KLHL1: variants seen among roughly 807,000 people sequenced by gnomAD.
The protein encoded by KLHL1 is kelch like family member 1, also known as kelch-like protein 1.
Under a neutral mutation model 77.7 loss-of-function variants are expected in KLHL1, and 47 were observed. The observed-to-expected ratio is 0.60, with a 90% CI of 0.48 to 0.77. KLHL1 has a LOEUF of 0.77. KLHL1 is among the 30% of genes least tolerant of loss of function. The pLI, the probability that KLHL1 is intolerant of heterozygous loss-of-function variation, is 0.00. For missense variants in KLHL1, 925 were observed against 910.8 expected (o/e 1.02, Z -0.20); for synonymous variants, 360 against 325.2 (o/e 1.11, Z -1.15).
At chr13:69,828,648 T>C (rs561168568) in intron 6 of KLHL1, among the ~76,000 whole-genome samples, 1 of 150,184 alleles carries the variant, frequency 6.7e-6, no homozygotes, top group African/African-American at 2.5e-5. Flanking sequence ...CAGGGAGGTT[T>C]GCAGCCTGGG....
At chr13:70,070,564 T>C (rs569262866) in intron 1 of KLHL1, among the ~76,000 whole-genome samples, 3 of 151,956 alleles carry the variant, frequency 2.0e-5, no homozygotes, top group Non-Finnish European at 4.4e-5. Flanking sequence ...TAAACAAAAA[T>C]ACAAAGAATT....
chr13:69,775,924 G>T (rs150425785), intron 7 of KLHL1, among the ~76,000 whole-genome samples: 1 of 151,894 alleles, frequency 6.6e-6, no homozygotes, highest in Admixed American at 6.6e-5. Flanking sequence ...AGGCCGAGGC[G>T]GGAGGATCAC....
chr13:69,766,001 A>C (rs556863928), intron 7 of KLHL1, among the ~76,000 whole-genome samples: 139 of 152,286 alleles, frequency 9.1e-4, no homozygotes, highest in African/African-American at 2.7e-3. Flanking sequence ...AAGAACATTA[A>C]ACTTCTTTGC....
chr13:69,914,183 T>C (rs1882339002), intron 4 of KLHL1, among the ~76,000 whole-genome samples: 1 of 152,134 alleles, frequency 6.6e-6, no homozygotes, highest in Non-Finnish European at 1.5e-5. Flanking sequence ...GAGTCAACAG[T>C]GCTTAATAAA....
chr13:70,001,302 T>TA (rs1405429462), intron 1 of KLHL1, among the ~76,000 whole-genome samples: 2 of 151,080 alleles, frequency 1.3e-5, no homozygotes, highest in East Asian at 3.9e-4. Flanking sequence ...TTATTTGACT[T>TA]ACGAATTCTG....
intron 8 of KLHL1, 95 bp from the exon 9 acceptor site, chr13:69,719,676 C>G: frequency 1.2e-6 from 1 of 857,348 alleles, no homozygotes; most frequent in Non-Finnish European, 1.8e-6. Flanking sequence ...CAGTATGAGG[C>G]TCAAACGTGT....
chr13:69,939,363 A>ATG (rs1883288672), intron 4 of KLHL1, among the ~76,000 whole-genome samples: 4 of 96,294 alleles, frequency 4.2e-5, no homozygotes, highest in African/African-American at 1.7e-4. Flanking sequence ...ATATATATAT[A>ATG]TATATATATA....
At chr13:70,044,341 G>T (rs1593699250) in intron 1 of KLHL1, among the ~76,000 whole-genome samples, 1 of 152,114 alleles carries the variant, frequency 6.6e-6, no homozygotes, top group Non-Finnish European at 1.5e-5. Flanking sequence ...TCACAGATAG[G>T]TTTCTTATCA....
intron 1 of KLHL1, among the ~76,000 whole-genome samples, chr13:70,085,586 G>A (rs1264741850): frequency 6.6e-6 from 1 of 152,126 alleles, no homozygotes; most frequent in African/African-American, 2.4e-5. Flanking sequence ...TGAATGGGCT[G>A]GGCGCAGTGG....
At chr13:69,912,812 G>A (rs907629538) in intron 4 of KLHL1, among the ~76,000 whole-genome samples, 2 of 152,032 alleles carry the variant, frequency 1.3e-5, no homozygotes, top group Non-Finnish European at 2.9e-5. Context: ...GCTGGTTCCT[G>A]AAGAGGCCCC....
intron 9 of KLHL1, 31 bp from the exon 10 acceptor site, chr13:69,707,827 A>T (rs986111064): frequency 2.0e-6 from 3 of 1,527,550 alleles, no homozygotes; most frequent in Non-Finnish European, 1.8e-6. Flanking sequence ...TACATAACAT[A>T]TTCTAATCAC....
rs575060660 is a variant in KLHL1 at position 69,843,101 on chromosome 13, T to C, written c.1228-3939A>G. On this transcript the variant is annotated intron_variant, in intron 5 of 10. Coordinates refer to ENST00000377844, the MANE Select transcript of KLHL1 (RefSeq NM_020866.3). ...TTAAAGGGTAAAACTCTCAGTAAGA[T>C]AGAAGGATTAAATTCAATGTATGAT... is the stretch of plus-strand genomic sequence containing the variant. 3.3e-5 allele frequency among the ~76,000 whole-genome samples: 5 copies of C among 151,506 alleles called. No individual in the cohort carries two copies. In the South Asian group the frequency reaches 6.2e-4, roughly 19 times the overall value.
intron 7 of KLHL1, among the ~76,000 whole-genome samples, chr13:69,760,487 C>A (rs942142214): frequency 6.6e-6 from 1 of 151,986 alleles, no homozygotes; most frequent in African/African-American, 2.4e-5. Flanking sequence ...TCCTGAGTAG[C>A]TGGGATCACA....
intron 1 of KLHL1, among the ~76,000 whole-genome samples, chr13:70,011,986 G>C (rs1279883239): frequency 6.6e-6 from 1 of 152,148 alleles, no homozygotes; most frequent in East Asian, 1.9e-4. Context: ...CAGGCAAAGA[G>C]AGAGAGCTTA....
intron 3 of KLHL1, among the ~76,000 whole-genome samples, chr13:69,960,110 CTTTT>C (rs58284665): frequency 8.0e-6 from 1 of 124,236 alleles, no homozygotes; most frequent in Non-Finnish European, 1.6e-5. Context: ...AGCATGTGTA[CTTTT>C]TTTTTTTTTT....
chr13:69,721,989 T>C (rs911930689), intron 8 of KLHL1, among the ~76,000 whole-genome samples: 4 of 152,134 alleles, frequency 2.6e-5, no homozygotes, highest in African/African-American at 4.8e-5. Context: ...CACTTACTTC[T>C]GTTTCATTTA....
intron 1 of KLHL1, among the ~76,000 whole-genome samples, chr13:69,985,170 C>CA (rs1368978970): frequency 6.6e-6 from 1 of 151,828 alleles, no homozygotes; most frequent in Admixed American, 6.6e-5. Context: ...AAAAAAAGAT[C>CA]AAAAAGTGAA....
Position 70,108,130 on chromosome 13 carries a change from G to T in KLHL1, c.-431C>A, listed in dbSNP as rs1888123191. ...CTCACTGGGATGCGCTTGTGGCAGAGCCTTAGTAGGGAAGGTGGTGGCGTT... is the reference window on the plus strand; with the variant it reads ...CTCACTGGGATGCGCTTGTGGCAGATCCTTAGTAGGGAAGGTGGTGGCGTT... On this transcript the variant is annotated 5_prime_UTR_variant, in exon 1 of 11. Coordinates refer to ENST00000377844, the MANE Select transcript of KLHL1 (RefSeq NM_020866.3). The T allele has an allele frequency of 4.9e-6, 2 of 404,466 alleles. No homozygotes were observed. Among genetic ancestry groups the T allele is most frequent in the Admixed American group, 4.1e-5 (1 of 24,142 alleles). The allele number at this position is 404,466 out of a possible 1,614,324, so 25.1% of individuals were successfully genotyped here. A position where few individuals can be genotyped will look rare whatever the true frequency, so the allele number is the denominator to read the frequency against.
chr13:70,085,523 C>T (rs1380442743), intron 1 of KLHL1, among the ~76,000 whole-genome samples: 1 of 152,118 alleles, frequency 6.6e-6, no homozygotes, highest in Admixed American at 6.5e-5. Context: ...ATTTACATTG[C>T]TATTTTTAAT....
Sources: gnomAD v4.1 joint callset for allele counts (sites outside exome capture counted in the v4.1 genomes callset) on GRCh38, gnomAD v4.1.1 for gene constraint, MANE v1.5 for transcripts, NCBI Gene and HGNC (gene_info 2026-07-23, HGNC 2026-07-21) for gene names.